Variants in TMEM132D observed in about 807,000 individuals in gnomAD.
TMEM132D encodes transmembrane protein 132D, also known as mature OL transmembrane protein.
TMEM132D carries 21 observed loss-of-function variants against 62.3 expected under a neutral mutation model. The observed-to-expected ratio is 0.34, with a 90% CI of 0.24 to 0.49. The LOEUF is 0.49. Among genes scored for constraint, TMEM132D ranks in the 20% least tolerant of loss-of-function variants. TMEM132D has a pLI of 0.99. For synonymous variants in TMEM132D, 621 were observed against 575.6 expected (o/e 1.08, Z -1.13); for missense variants, 1,346 against 1,402.8 (o/e 0.96, Z 0.65).
In TMEM132D at chr12:129,724,087, G is replaced by A. The variant is rs1488260686; in HGVS notation, c.80-23389C>T. ...GGAGACAGGAAAGTCAGAGTCAGAG[G>A]AGGAGATGCCACGTTTGAGTAGAAG... On this transcript the variant is annotated intron_variant, in intron 1 of 8. Transcript: ENST00000422113. 3.3e-5 allele frequency among the ~76,000 whole-genome samples: 5 copies of A among 152,208 alleles called. 1 individual carries two copies. The highest frequency in any genetic ancestry group is 7.2e-5 in the African/African-American group (3 of 41,452).
At chr12:129,782,965 A>G (rs746503711) in intron 1 of TMEM132D, among the ~76,000 whole-genome samples, 2 of 152,212 alleles carry the variant, frequency 1.3e-5, no homozygotes, top group Non-Finnish European at 2.9e-5. Flanking sequence ...ACCCCTAATC[A>G]TATTTTCAGA....
intron 5 of TMEM132D, among the ~76,000 whole-genome samples, chr12:129,201,322 C>T (rs1407412474): frequency 6.6e-6 from 1 of 152,144 alleles, no homozygotes; most frequent in East Asian, 1.9e-4. Context: ...GGCTCTCCCA[C>T]CAGCTGATCT....
At chr12:129,593,358 G>C (rs1053826456) in intron 2 of TMEM132D, among the ~76,000 whole-genome samples, 1 of 152,168 alleles carries the variant, frequency 6.6e-6, no homozygotes, top group African/African-American at 2.4e-5. Context: ...TGTGATTCCA[G>C]ATATTTTATT....
At chr12:129,566,560 A>G (rs1877373314) in intron 2 of TMEM132D, among the ~76,000 whole-genome samples, 1 of 152,228 alleles carries the variant, frequency 6.6e-6, no homozygotes, top group African/African-American at 2.4e-5. Flanking sequence ...GCAATAAGAT[A>G]TCAATGTGAT....
intron 4 of TMEM132D, among the ~76,000 whole-genome samples, chr12:129,254,359 A>G (rs1880348240): frequency 6.6e-6 from 1 of 152,218 alleles, no homozygotes. Flanking sequence ...CCACACAAAA[A>G]TTAAAAAGGA....
chr12:129,294,914 G>C (rs1346495773), intron 4 of TMEM132D, among the ~76,000 whole-genome samples: 1 of 152,140 alleles, frequency 6.6e-6, no homozygotes, highest in African/African-American at 2.4e-5. Flanking sequence ...TTCCTATTGT[G>C]ATGGTTCATT....
intron 2 of TMEM132D, among the ~76,000 whole-genome samples, chr12:129,544,306 G>A (rs1428328802): frequency 2.6e-5 from 4 of 152,124 alleles, no homozygotes; most frequent in Non-Finnish European, 5.9e-5. Context: ...TTAGGAAATT[G>A]ATTTGTAAGG....
At chr12:129,666,735 C>T (rs1012763267) in intron 2 of TMEM132D, among the ~76,000 whole-genome samples, 1 of 152,166 alleles carries the variant, frequency 6.6e-6, no homozygotes, top group Non-Finnish European at 1.5e-5. Context: ...AAACTGCTTA[C>T]TTATCAGGTT....
chr12:129,696,589 C>G (rs1332647724), intron 2 of TMEM132D, among the ~76,000 whole-genome samples: 1 of 152,106 alleles, frequency 6.6e-6, no homozygotes, highest in Non-Finnish European at 1.5e-5. Flanking sequence ...TCTTTGGAAA[C>G]GGACTCCCTG....
intron 1 of TMEM132D, among the ~76,000 whole-genome samples, chr12:129,810,480 T>C (rs910006212): frequency 1.1e-4 from 17 of 152,026 alleles, no homozygotes; most frequent in Admixed American, 6.6e-5. Flanking sequence ...AAAAAGGTAA[T>C]GAGGATGGGA....
intron 1 of TMEM132D, among the ~76,000 whole-genome samples, chr12:129,865,925 C>T (rs1385318855): frequency 6.6e-6 from 1 of 152,152 alleles, no homozygotes; most frequent in Non-Finnish European, 1.5e-5. Context: ...TGGTGTGACT[C>T]TCTTGCAGTG....
At chr12:129,319,281 G>C (rs1342677763) in intron 4 of TMEM132D, among the ~76,000 whole-genome samples, 3 of 152,204 alleles carry the variant, frequency 2.0e-5, no homozygotes, top group Admixed American at 2.0e-4. Flanking sequence ...GGGCCTTTCT[G>C]CTGCTTCCTC....
chr12:129,442,960 G>A (rs940838783), intron 3 of TMEM132D, among the ~76,000 whole-genome samples: 3 of 152,152 alleles, frequency 2.0e-5, no homozygotes, highest in African/African-American at 4.8e-5. Context: ...AGCATACCTC[G>A]CCCAAGATCA....
At chr12:129,091,389 G>A (rs897099981) in intron 5 of TMEM132D, among the ~76,000 whole-genome samples, 1 of 147,192 alleles carries the variant, frequency 6.8e-6, no homozygotes, top group Non-Finnish European at 1.5e-5. Flanking sequence ...TGGTCTCTGG[G>A]GACCTTATAT....
At chr12:129,627,734 C>A (rs1302777518) in intron 2 of TMEM132D, among the ~76,000 whole-genome samples, 1 of 152,086 alleles carries the variant, frequency 6.6e-6, no homozygotes, top group Non-Finnish European at 1.5e-5. Flanking sequence ...TGCCTGTAAT[C>A]CTAGCACTTT....
At chr12:129,240,651 T>C (rs10773623) in intron 4 of TMEM132D, among the ~76,000 whole-genome samples, 65,162 of 152,054 alleles carry the variant, frequency 0.43, 14,547 homozygotes, top group Middle Eastern at 0.5. Flanking sequence ...TGCGTTATCA[T>C]TGTCCTTTTA....
rs577290397 is a variant in TMEM132D, at chr12:129,870,074, G to A, written c.79+33187C>T. ...TGTGATCATGGCTCACTGCAGCCTCGAACTCCTGGGCTCAAGCAATCCTTC... is the reference window on the plus strand; with the variant it reads ...TGTGATCATGGCTCACTGCAGCCTCAAACTCCTGGGCTCAAGCAATCCTTC... On this transcript the variant is annotated intron_variant, in intron 1 of 8. Coordinates refer to ENST00000422113, the MANE Select transcript of TMEM132D (RefSeq NM_133448.3). Among the ~76,000 whole-genome samples, 22 of 152,230 alleles carry A rather than the reference G, an allele frequency of 1.4e-4. No individual in the cohort carries two copies. In the South Asian group the frequency reaches 2.3e-3, roughly 16 times the overall value.
Position 129,367,879 on chromosome 12 carries a change from C to T in TMEM132D, c.1116-30062G>A, listed in dbSNP as rs568920615. ...TGGCTCACTGCAATCACCACCTTCCCGGTGCAAGTAATTCTCCTGCCTCAG... is the reference window on the plus strand; with the variant it reads ...TGGCTCACTGCAATCACCACCTTCCTGGTGCAAGTAATTCTCCTGCCTCAG... On this transcript the variant is annotated intron_variant, in intron 3 of 8. Transcript: ENST00000422113. Among the ~76,000 whole-genome samples the T allele has an allele frequency of 1.3e-4, 20 of 151,350 alleles. No homozygotes were observed. In the East Asian group the frequency reaches 2.0e-3, roughly 15 times the overall value.
chr12:129,402,765 G>A (rs911769997), intron 3 of TMEM132D, among the ~76,000 whole-genome samples: 5 of 152,066 alleles, frequency 3.3e-5, no homozygotes, highest in African/African-American at 7.2e-5. Flanking sequence ...CAAGAGGATG[G>A]GTGAGGGGTC....
Sources: allele counts gnomAD v4.1 joint callset (sites outside exome capture counted in the v4.1 genomes callset), GRCh38; gene constraint gnomAD v4.1.1; transcripts MANE v1.5; gene names NCBI Gene and HGNC (gene_info 2026-07-23, HGNC 2026-07-21).